Variants in SLC9A8 observed in about 807,000 individuals in gnomAD.
The protein encoded by SLC9A8 is solute carrier family 9 member A8, also known as sodium/hydrogen exchanger 8.
In SLC9A8, 48 loss-of-function variants were observed where a neutral mutation model predicts 66.6. That is an observed-to-expected ratio of 0.72 (90% confidence interval 0.57 to 0.92). The LOEUF is 0.92. Among genes scored for constraint, SLC9A8 ranks in the 40% least tolerant of loss-of-function variants. The pLI is 0.00. For synonymous variants in SLC9A8, 274 were observed against 282.6 expected, an observed-to-expected ratio of 0.97 and a Z score of 0.31; for missense variants, 599 against 747.3, an observed-to-expected ratio of 0.80 and a Z score of 2.31.
chr20:49,828,901 G>C (rs2087037167), intron 3 of SLC9A8, among the ~76,000 whole-genome samples: 1 of 144,146 alleles, frequency 6.9e-6, no homozygotes, highest in African/African-American at 2.6e-5. Flanking sequence ...TTAGCACAGT[G>C]CATGGCACAC....
intron 3 of SLC9A8, among the ~76,000 whole-genome samples, chr20:49,838,452 G>T (rs1281832010): frequency 6.6e-6 from 1 of 152,100 alleles, no homozygotes; most frequent in Non-Finnish European, 1.5e-5. Context: ...TTTGTCTTGG[G>T]TCCTTCCTCT....
chr20:49,887,573 T>C (rs913661674), intron 15 of SLC9A8, among the ~76,000 whole-genome samples: 10 of 152,250 alleles, frequency 6.6e-5, no homozygotes, highest in Middle Eastern at 3.4e-3. Context: ...GCTAACTGTG[T>C]CTGACTCCAG....
At chr20:49,884,198 CGACACA>C (rs1301092500) in intron 14 of SLC9A8, 132 bp downstream of exon 14, 3 of 492,642 alleles carry the variant, frequency 6.1e-6, no homozygotes, top group African/African-American at 2.8e-5. Context: ...TCCACACACA[CGACACA>C]CACACACACA....
At chr20:49,835,789 G>A (rs2087511046) in intron 3 of SLC9A8, among the ~76,000 whole-genome samples, 1 of 145,092 alleles carries the variant, frequency 6.9e-6, no homozygotes, top group South Asian at 2.1e-4. Flanking sequence ...GGGTTCAAGC[G>A]ATTTTCCTGC....
At chr20:49,873,475 C>A (rs2146716618) in intron 10 of SLC9A8, among the ~76,000 whole-genome samples, 1 of 118,656 alleles carries the variant, frequency 8.4e-6, no homozygotes, top group East Asian at 2.6e-4. Flanking sequence ...ACGCGAAACC[C>A]TGTCTCCAAA....
chr20:49,829,937 C>T, intron 3 of SLC9A8: 1 of 586,866 alleles, frequency 1.7e-6, no homozygotes, highest in Middle Eastern at 2.9e-4. Flanking sequence ...GCAAAGTCCC[C>T]AGAAGCGGGG....
chr20:49,857,266 A>G (rs1326775683), intron 8 of SLC9A8, among the ~76,000 whole-genome samples: 2 of 152,194 alleles, frequency 1.3e-5, no homozygotes, highest in Non-Finnish European at 2.9e-5. Context: ...TAGAATTTCC[A>G]TTTACCTGAA....
In SLC9A8 at chr20:49,886,691, A is replaced by G. The variant is rs994522502; in HGVS notation, c.1492-61A>G. 40 of 1,575,306 alleles carry G rather than the reference A, an allele frequency of 2.5e-5. No homozygotes were observed. The highest frequency in any genetic ancestry group is 2.9e-5 in the Non-Finnish European group (34 of 1,157,144). On this transcript the variant is annotated intron_variant, in intron 14 of 15. Coordinates refer to ENST00000361573, the MANE Select transcript of SLC9A8 (RefSeq NM_015266.3). The surrounding 1 kb of genome is among the most constrained non-coding windows in gnomAD (Gnocchi z 4.8). ...CGGCCTGGGTGGTGTGGGGGCTTCC[A>G]GGAGGTGCCCCCCGATGGTGCCAGC...
chr20:49,887,588 C>T (rs550835552), intron 15 of SLC9A8, among the ~76,000 whole-genome samples: 132 of 152,256 alleles, frequency 8.7e-4, no homozygotes, highest in Non-Finnish European at 1.6e-3. Context: ...CTCCAGAGAC[C>T]ACATGTTCAG....
At chr20:49,834,169 CTCTCTCTCTCTCTCTCTATATATATA>C (rs2087335948) in intron 3 of SLC9A8, among the ~76,000 whole-genome samples, 3 of 58,418 alleles carry the variant, frequency 5.1e-5, no homozygotes, top group South Asian at 4.8e-4. Context: ...CTCTCTCTCT[CTCTCTCTCTCTCTCTCTATATATATA>C]TATATATATA....
chr20:49,883,583 C>T (rs1218820887), intron 13 of SLC9A8, among the ~76,000 whole-genome samples: 2 of 152,188 alleles, frequency 1.3e-5, no homozygotes, highest in East Asian at 3.8e-4. Flanking sequence ...TAAGTCCTCC[C>T]GCACCCGCAT....
At chr20:49,834,493 TAC>T (rs1157933796) in intron 3 of SLC9A8, among the ~76,000 whole-genome samples, 5 of 142,972 alleles carry the variant, frequency 3.5e-5, no homozygotes, top group African/African-American at 5.2e-5. Flanking sequence ...ACTGTATATA[TAC>T]ACACACACAC....
intron 10 of SLC9A8, among the ~76,000 whole-genome samples, chr20:49,869,681 ATAT>A (rs2089129442): frequency 6.6e-6 from 1 of 151,920 alleles, no homozygotes; most frequent in African/African-American, 2.4e-5. Context: ...AAAATACAAA[ATAT>A]TATCTGGGCA....
intron 3 of SLC9A8, among the ~76,000 whole-genome samples, chr20:49,827,890 T>C (rs1206618923): frequency 6.6e-6 from 1 of 152,110 alleles, no homozygotes; most frequent in Non-Finnish European, 1.5e-5. Flanking sequence ...AGTGCTCCCC[T>C]GTCATAACTT....
chr20:49,837,200 C>A (rs1183306371), intron 3 of SLC9A8, among the ~76,000 whole-genome samples: 1 of 152,218 alleles, frequency 6.6e-6, no homozygotes, highest in Non-Finnish European at 1.5e-5. Flanking sequence ...AGTTGTCCCA[C>A]CTTTCCAGAC....
rs1206602233 is a variant in SLC9A8 at position 49,886,737 on chromosome 20, T to G, written c.1492-15T>G. On this transcript the variant is annotated splice_polypyrimidine_tract_variant and intron_variant, in intron 14 of 15. Coordinates refer to ENST00000361573, the MANE Select transcript of SLC9A8 (RefSeq NM_015266.3). The surrounding 1 kb of genome is among the most constrained non-coding windows in gnomAD (Gnocchi z 4.8). ...CCAGCTGGTGGCCGTCGGGCCGCCT[T>G]TCCTCCCTGCTCAGGGCAACACTGT... 6.2e-7 allele frequency: 1 copy of G among 1,608,620 alleles called. No homozygotes were observed. The highest frequency in any genetic ancestry group is 2.2e-5 in the East Asian group (1 of 44,720).
intron 1 of SLC9A8, among the ~76,000 whole-genome samples, chr20:49,813,637 C>G (rs1675147962): frequency 6.6e-6 from 1 of 152,162 alleles, no homozygotes; most frequent in East Asian, 1.9e-4. Flanking sequence ...GTCTGCAGTT[C>G]TAAAAATTGC....
At chr20:49,860,657 G>A (rs1187832846) in intron 8 of SLC9A8, among the ~76,000 whole-genome samples, 1 of 152,174 alleles carries the variant, frequency 6.6e-6, no homozygotes, top group Non-Finnish European at 1.5e-5. Flanking sequence ...GGAGACAGAG[G>A]TTGCAGTGAG....
At chr20:49,821,036 T>A (rs1253732850) in intron 2 of SLC9A8, among the ~76,000 whole-genome samples, 3 of 152,208 alleles carry the variant, frequency 2.0e-5, no homozygotes, top group Admixed American at 2.0e-4. Context: ...TAGTACACCT[T>A]TATCAGATAT....
Sources: allele counts gnomAD v4.1 joint callset (sites outside exome capture counted in the v4.1 genomes callset), GRCh38; gene constraint gnomAD v4.1.1; non-coding constraint Gnocchi (gnomAD v3.1); transcripts MANE v1.5; gene names NCBI Gene and HGNC (gene_info 2026-07-23, HGNC 2026-07-21).